The following PRELID2 variants were observed in gnomAD, a reference collection of about 807,000 sequenced individuals.
PRELID2 encodes the protein PRELI domain-containing protein 2.
PRELID2 carries 25 observed loss-of-function variants against 28.4 expected under a neutral mutation model. That is an observed-to-expected ratio of 0.88 (90% CI 0.64 to 1.23). The LOEUF (loss-of-function observed/expected upper bound fraction) is 1.23, where lower values mean the gene tolerates loss of function less well. Among genes scored for constraint, PRELID2 ranks in the 50% most tolerant of loss-of-function variants. The pLI, the probability that PRELID2 is intolerant of heterozygous loss-of-function variation, is 0.00. For synonymous variants in PRELID2, 76 were observed against 71.6 expected, an observed-to-expected ratio of 1.06 and a Z score of -0.31; for missense variants, 201 against 214.4, an observed-to-expected ratio of 0.94 and a Z score of 0.39.
chr5:145,826,762 G>A (rs1755221076), intron 1 of PRELID2, among the ~76,000 whole-genome samples: 1 of 151,978 alleles, frequency 6.6e-6, no homozygotes, highest in African/African-American at 2.4e-5. Flanking sequence ...AAAGTTAGAG[G>A]CAAGAAACTG....
intron 2 of PRELID2, among the ~76,000 whole-genome samples, chr5:145,821,191 T>TGTGTGTGTGTG (rs1561649985): frequency 2.2e-4 from 7 of 31,396 alleles, no homozygotes; most frequent in South Asian, 1.0e-3. Context: ...GTAAGTCCTC[T>TGTGTGTGTGTG]TCTGTGTGTG....
At chr5:145,425,921 A>G in the PRELID2 span, among the ~76,000 whole-genome samples, 4 of 152,178 alleles carry the variant, frequency 2.6e-5, no homozygotes, top group South Asian at 8.3e-4. Context: ...GCCTTCCCTT[A>G]GAGATCAGAG....
chr5:145,299,786 G>A, the PRELID2 span, among the ~76,000 whole-genome samples: 1 of 151,900 alleles, frequency 6.6e-6, no homozygotes, highest in Admixed American at 6.6e-5. Context: ...TGGTGATATG[G>A]TGATAATTTC....
chr5:145,658,185 G>A (rs542762285), intron 1 of PRELID2, among the ~76,000 whole-genome samples: 68 of 152,272 alleles, frequency 4.5e-4, no homozygotes, highest in Non-Finnish European at 7.2e-4. Context: ...AGATGTTAAC[G>A]TGACAAGTGT....
At chr5:145,504,192 GGGCAGTGCCT>G (rs1305955184) in intron 1 of PRELID2, among the ~76,000 whole-genome samples, 2 of 152,142 alleles carry the variant, frequency 1.3e-5, no homozygotes, top group African/African-American at 4.8e-5. Flanking sequence ...CAAGCTAGCA[GGGCAGTGCCT>G]GGCTGTGACC....
intron 4 of PRELID2, among the ~76,000 whole-genome samples, chr5:145,802,438 G>A (rs574088471): frequency 2.3e-4 from 35 of 152,206 alleles, no homozygotes; most frequent in African/African-American, 6.3e-4. Context: ...ACTAGCGCAC[G>A]GTAGGAAATC....
intron 1 of PRELID2, among the ~76,000 whole-genome samples, chr5:145,653,265 C>G (rs1168207409): frequency 5.3e-5 from 8 of 152,084 alleles, no homozygotes; most frequent in Non-Finnish European, 7.4e-5. Flanking sequence ...CCTTAGAGAC[C>G]TACAAAGAGA....
intron 1 of PRELID2, among the ~76,000 whole-genome samples, chr5:145,712,169 G>A (rs1439756389): frequency 6.6e-6 from 1 of 152,160 alleles, no homozygotes; most frequent in Non-Finnish European, 1.5e-5. Context: ...CAAATGTTCA[G>A]CAATTTTGTG....
At chr5:145,379,350 G>T in the PRELID2 span, among the ~76,000 whole-genome samples, 1 of 152,158 alleles carries the variant, frequency 6.6e-6, no homozygotes, top group Non-Finnish European at 1.5e-5. Context: ...CTGACTCCCT[G>T]TCAGTATTCA....
rs1365886231 is a variant in PRELID2, at chr5:145,504,235, C to T, written n.71-30920G>A. On this transcript the variant is annotated intron_variant and non_coding_transcript_variant, in intron 1 of 2. Coordinates refer to the PRELID2 transcript ENST00000510259. ...ACCTTGGGCTGGATCAACTTAACCT[C>T]ACCAAACCCCAGTTTTTACATCCTT... Among the ~76,000 whole-genome samples the T allele has an allele frequency of 2.0e-5, 3 of 152,168 alleles. No individual in the cohort carries two copies. In the South Asian group the frequency reaches 6.2e-4, roughly 32 times the overall value.
At chr5:145,688,689 G>A (rs987069391) in intron 1 of PRELID2, among the ~76,000 whole-genome samples, 10 of 152,326 alleles carry the variant, frequency 6.6e-5, no homozygotes, top group Non-Finnish European at 1.2e-4. Flanking sequence ...GCCTGATCAT[G>A]ACAGAGCATG....
At chr5:145,243,855 AT>A in the PRELID2 span, among the ~76,000 whole-genome samples, 5 of 151,974 alleles carry the variant, frequency 3.3e-5, no homozygotes, top group Non-Finnish European at 7.4e-5. Flanking sequence ...AAGATCATAC[AT>A]TTTTCTAGAA....
chr5:145,352,087 T>C, the PRELID2 span, among the ~76,000 whole-genome samples: 3 of 152,258 alleles, frequency 2.0e-5, no homozygotes, highest in African/African-American at 7.2e-5. Context: ...AAGCCGTCAG[T>C]GGATTTACCA....
At chr5:145,644,107 C>A (rs1055760298) in intron 1 of PRELID2, among the ~76,000 whole-genome samples, 5 of 152,216 alleles carry the variant, frequency 3.3e-5, no homozygotes, top group African/African-American at 1.2e-4. Flanking sequence ...CCTCTTTGTG[C>A]CTCTGGTAGA....
intron 1 of PRELID2, among the ~76,000 whole-genome samples, chr5:145,493,519 C>T (rs1314579809): frequency 6.6e-6 from 1 of 152,148 alleles, no homozygotes; most frequent in African/African-American, 2.4e-5. Flanking sequence ...AACACTGTAG[C>T]ATGGCTTTTA....
the PRELID2 span, among the ~76,000 whole-genome samples, chr5:145,375,543 G>T: frequency 6.6e-6 from 1 of 152,084 alleles, no homozygotes; most frequent in Non-Finnish European, 1.5e-5. Context: ...CGCTCATCTG[G>T]GCTGCCCAGA....
chr5:145,763,775 G>A (rs541753085), intron 6 of PRELID2, among the ~76,000 whole-genome samples: 1 of 152,254 alleles, frequency 6.6e-6, no homozygotes, highest in African/African-American at 2.4e-5. Flanking sequence ...TCAACTCTCA[G>A]ATGTTAAAAA....
chr5:145,313,152 A>C, the PRELID2 span, among the ~76,000 whole-genome samples: 2 of 152,228 alleles, frequency 1.3e-5, no homozygotes, highest in Non-Finnish European at 2.9e-5. Context: ...TTTAGATAGC[A>C]AGGTTCTACA....
At chr5:145,732,304 G>A (rs575679604) in intron 1 of PRELID2, among the ~76,000 whole-genome samples, 11 of 152,250 alleles carry the variant, frequency 7.2e-5, no homozygotes, top group African/African-American at 2.2e-4. Flanking sequence ...TGAGAAATGA[G>A]TTACTCCACA....
Sources: allele counts gnomAD v4.1 joint callset (sites outside exome capture counted in the v4.1 genomes callset), GRCh38; gene constraint gnomAD v4.1.1; transcripts MANE v1.5; gene names NCBI Gene and HGNC (gene_info 2026-07-23, HGNC 2026-07-21).